FAM53C: variants seen among roughly 807,000 people sequenced by gnomAD.
FAM53C encodes family with sequence similarity 53 member C.
Under a neutral mutation model 34.7 loss-of-function variants are expected in FAM53C, and 10 were observed. That is an observed-to-expected ratio of 0.29 (90% confidence interval 0.18 to 0.49). The LOEUF (loss-of-function observed/expected upper bound fraction) is 0.49. Among genes scored for constraint, FAM53C ranks in the 20% least tolerant of loss-of-function variants. FAM53C has a pLI of 0.99. For missense variants in FAM53C, 442 were observed against 515.3 expected, an observed-to-expected ratio of 0.86 and a Z score of 1.38; for synonymous variants, 203 against 203.6, an observed-to-expected ratio of 1.00 and a Z score of 0.03.
intron 1 of FAM53C, among the ~76,000 whole-genome samples, chr5:138,338,592 C>G (rs1305055239): frequency 1.9e-5 from 1 of 52,988 alleles, no homozygotes; most frequent in Non-Finnish European, 4.0e-5. Context: ...CTGGCGCACC[C>G]CCCCCCCCGC....
chr5:138,337,814 T>G, upstream of FAM53C: 1 of 469,036 alleles, frequency 2.1e-6, no homozygotes, highest in Non-Finnish European at 3.6e-6. Context: ...GGGGGATTCC[T>G]TCGAAGAGGT....
Position 138,345,373 on chromosome 5 carries a change from C to T in FAM53C, c.685C>T (p.Arg229Cys), listed in dbSNP as rs769884886. The T allele has an allele frequency of 2.2e-5, 35 of 1,614,016 alleles. No individual in the cohort carries two copies. The highest frequency in any genetic ancestry group is 2.6e-5 in the Non-Finnish European group (31 of 1,180,046). ...GTCCTTGTCACCTTGCCCACCTCAG[C>T]GCCGCTTCTCCCTGTCACCCAGTCT... ...AESLSPCPPQ[R>C]RFSLSPSLGP... Residue 229 changes from arginine (R) to cysteine (C), a missense_variant, in exon 4 of 5, where the codon CGC (arginine) becomes TGC (cysteine). Physicochemically the swap from Arg to Cys is radical, Grantham distance 180. Transcript: ENST00000239906. The surrounding 1 kb of genome is among the most constrained non-coding windows in gnomAD (Gnocchi z 6.3).
intron 3 of FAM53C, 181 bp downstream of exon 3, chr5:138,342,047 G>A: frequency 1.7e-6 from 1 of 579,712 alleles, no homozygotes; most frequent in African/African-American, 1.9e-5. Context: ...TGGTTGGTTT[G>A]CTCTTATTCT....
Position 138,341,798 on chromosome 5 carries a change from C to G in FAM53C, c.79-11C>G, listed in dbSNP as rs756709868. The G allele has an allele frequency of 2.5e-6, 4 of 1,613,896 alleles. No individual in the cohort carries two copies. Among genetic ancestry groups the G allele is most frequent in the Middle Eastern group, 1.7e-4 (1 of 6,060 alleles). On this transcript the variant is annotated splice_polypyrimidine_tract_variant and intron_variant, in intron 2 of 4. Coordinates refer to ENST00000239906, the MANE Select transcript of FAM53C (RefSeq NM_016605.3). ...GAATCCAAATCATGATGGATATTCT[C>G]TCTTTCTTAGCCTTTGCCTGATCAT...
In FAM53C at chr5:138,348,513, TC is replaced by T. The variant is rs1415331035; in HGVS notation, c.*1556del. The stretch of plus-strand genomic sequence containing the variant: ...ATTTTTCTCTTCAATTTCCAGGGTT[TC>T]CTAGGACCCAGTTCCTCATGTAAGG... On this transcript the variant is annotated 3_prime_UTR_variant, in exon 5 of 5. Coordinates refer to ENST00000239906, the MANE Select transcript of FAM53C (RefSeq NM_016605.3). 6.6e-6 allele frequency: 1 copy of T among 152,208 alleles called. No homozygotes were observed. The highest frequency in any genetic ancestry group is 1.5e-5 in the Non-Finnish European group (1 of 68,032). 9.4% of individuals were successfully genotyped at this position (152,208 alleles called of 1,614,324 possible).
rs1159937014 is a variant in FAM53C, at chr5:138,349,279, C to CT, written c.*2322dup. 62 of 152,774 alleles carry CT rather than the reference C, an allele frequency of 4.1e-4. No individual in the cohort carries two copies. The highest frequency in any genetic ancestry group is 1.4e-3 in the African/African-American group (58 of 41,584). 9.5% of individuals were successfully genotyped at this position (152,774 alleles called of 1,614,324 possible). A position where few individuals can be genotyped will look rare whatever the true frequency, so the allele number is the denominator to read the frequency against. ...ACCATTTAAAAGCAGCCTATGATTG[C>CT]TTCTTTTTGTAAAGCAAGCAACCTC... On this transcript the variant is annotated 3_prime_UTR_variant, in exon 5 of 5. Transcript: ENST00000239906.
At chr5:138,341,142 G>C in intron 1 of FAM53C, 42 bp from the exon 2 acceptor site, 1 of 697,924 alleles carries the variant, frequency 1.4e-6, no homozygotes, top group Non-Finnish European at 2.7e-6. Context: ...TGGACCAGGT[G>C]CATCTCTAAT....
Position 138,346,985 on chromosome 5 carries a change from A to G in FAM53C, c.*26A>G. The G allele has an allele frequency of 6.2e-7, 1 of 1,613,196 alleles. No individual in the cohort carries two copies. The highest frequency in any genetic ancestry group is 8.5e-7 in the Non-Finnish European group (1 of 1,179,738). On this transcript the variant is annotated 3_prime_UTR_variant, in exon 5 of 5. Transcript: ENST00000239906. The stretch of plus-strand genomic sequence containing the variant: ...AACTGAGAGGCTACTTCCTGGGGCC[A>G]CACAGACTGACTCTCTCATGGCTAC...
rs962074306 is a variant in FAM53C, at chr5:138,349,237, A to G, written c.*2278A>G. 1 of 152,660 alleles carries G rather than the reference A, an allele frequency of 6.6e-6. No homozygotes were observed. The highest frequency in any genetic ancestry group is 1.5e-5 in the Non-Finnish European group (1 of 68,040). The allele number at this position is 152,660 out of a possible 1,614,324, so 9.5% of individuals were successfully genotyped here. On this transcript the variant is annotated 3_prime_UTR_variant, in exon 5 of 5. Transcript: ENST00000239906. ...TGTGTAAACCAAATGCTATTTTTCA[A>G]TGCATTTGGACTGCTGACCATTTAA...
chr5:138,345,529 C>G lies in FAM53C; in HGVS notation c.841C>G (p.Arg281Gly). The change falls in exon 4 of 5, where the codon CGC becomes GGC. Residue 281 changes from arginine to glycine, a missense_variant. Physicochemically the swap from Arg to Gly is moderately radical, Grantham distance 125. Transcript: ENST00000239906. The surrounding 1 kb of genome is among the most constrained non-coding windows in gnomAD (Gnocchi z 6.3). The stretch of plus-strand genomic sequence containing the variant: ...CTCACAGCCTTGTGATCTGGATGCC[C>G]GCAAAACTGGGGTCAAGCGGCGCCA... ...SRSQPCDLDA[R>G]KTGVKRRHEE... The G allele has an allele frequency of 6.2e-7, 1 of 1,614,052 alleles. No individual in the cohort carries two copies. The highest frequency in any genetic ancestry group is 1.1e-5 in the South Asian group (1 of 91,080).
chr5:138,346,707 A>G lies in FAM53C; in HGVS notation c.927A>G (p.Pro309=). The G allele has an allele frequency of 1.2e-6, 2 of 1,614,146 alleles. No homozygotes were observed. Among genetic ancestry groups the G allele is most frequent in the Non-Finnish European group, 1.7e-6 (2 of 1,180,034 alleles). ...CTTCTTTGTTTGTTTGACAGAAACC[A>G]TACTCAGGAGGTCTTTGTCTCCAAG... ...SLDFDKMNQK[P]YSGGLCLQET... Residue 309 remains proline, a synonymous_variant, in exon 5 of 5, where the codon CCA becomes CCG. Transcript: ENST00000239906.
intron 3 of FAM53C, 188 bp downstream of exon 3, chr5:138,342,054 T>C (rs1396710135): frequency 3.5e-6 from 2 of 570,240 alleles, no homozygotes; most frequent in South Asian, 2.6e-5. Context: ...TTTGCTCTTA[T>C]TCTAGCTTTG....
At chr5:138,343,764 A>G (rs1377784359) in intron 3 of FAM53C, 2 of 152,208 alleles carry the variant, frequency 1.3e-5, no homozygotes, top group Non-Finnish European at 2.9e-5. Flanking sequence ...GTGAGTTGGC[A>G]AAAACATGTT....
At chr5:138,346,296 A>C (rs1320556240) in intron 4 of FAM53C, among the ~76,000 whole-genome samples, 1 of 152,170 alleles carries the variant, frequency 6.6e-6, no homozygotes, top group East Asian at 1.9e-4. Context: ...TCTATTCTTC[A>C]ATTCAATGGA....
At chr5:138,337,727 C>G (rs1002146652), upstream of FAM53C, 6 of 335,134 alleles carry the variant, frequency 1.8e-5, no homozygotes, top group Admixed American at 2.2e-4. Flanking sequence ...CCTGGGACTC[C>G]GAGCAGGCCC....
chr5:138,339,020 T>G (rs1760931831), intron 1 of FAM53C, among the ~76,000 whole-genome samples: 1 of 152,116 alleles, frequency 6.6e-6, no homozygotes, highest in Non-Finnish European at 1.5e-5. Context: ...TCTTTATTTT[T>G]GGGGGCTGCT....
rs1262316279 is a variant in FAM53C at position 138,346,860 on chromosome 5, G to A, written c.1080G>A (p.Glu360=). 1 of 1,614,072 alleles carries A rather than the reference G, an allele frequency of 6.2e-7. No homozygotes were observed. Among genetic ancestry groups the A allele is most frequent in the African/African-American group, 1.3e-5 (1 of 74,954 alleles). The change falls in exon 5 of 5, where the codon GAG becomes GAA. Residue 360 remains glutamate, a synonymous_variant. Transcript: ENST00000239906. ...SQVLSESEEE[E]EGAVRWGRQA... ...TGCTGAGTGAAAGCGAAGAGGAGGA[G>A]GAGGGGGCTGTGCGGTGGGGTCGGC... is the stretch of plus-strand genomic sequence containing the variant.
At chr5:138,338,004 T>C, upstream of FAM53C, 5 of 1,289,600 alleles carry the variant, frequency 3.9e-6, no homozygotes, top group Non-Finnish European at 5.1e-6. Context: ...TGCCTCCAAC[T>C]GGGGCCGTCC....
Position 138,345,556 on chromosome 5 carries a change from G to A in FAM53C, c.868G>A (p.Glu290Lys). ...ARKTGVKRRH[E>K]EDPRRLRPSL... ...CAAAACTGGGGTCAAGCGGCGCCAC[G>A]AGGAAGACCCCCGGCGTCTGCGGCC... The change falls in exon 4 of 5, where the codon GAG becomes AAG. Residue 290 changes from glutamate to lysine, a missense_variant. Coordinates refer to ENST00000239906, the MANE Select transcript of FAM53C (RefSeq NM_016605.3). This position sits in a 1 kb window ranked among gnomAD's most constrained non-coding sequence, Gnocchi z 6.3. The A allele has an allele frequency of 9.9e-6, 16 of 1,613,922 alleles. No individual in the cohort carries two copies. The highest frequency in any genetic ancestry group is 2.2e-5 in the East Asian group (1 of 44,882).
Sources: gnomAD v4.1 joint callset for allele counts (sites outside exome capture counted in the v4.1 genomes callset) on GRCh38, gnomAD v4.1.1 for gene constraint, Gnocchi (gnomAD v3.1) non-coding constraint, MANE v1.5 for transcripts, NCBI Gene and HGNC (gene_info 2026-07-23, HGNC 2026-07-21) for gene names.